The following COMP variants were observed in gnomAD, a reference collection of about 807,000 sequenced individuals.
COMP encodes the protein cartilage oligomeric matrix protein.
COMP carries 79 observed loss-of-function variants against 95.8 expected under a neutral mutation model. The observed-to-expected ratio is 0.82, with a 90% confidence interval of 0.69 to 0.99. The LOEUF (loss-of-function observed/expected upper bound fraction) is 0.99. Among genes scored for constraint, COMP ranks in the 50% least tolerant of loss-of-function variants. The probability of loss-of-function intolerance (pLI) is 0.00; values close to 1 mark genes in which losing one functional copy is unlikely to be tolerated. For missense variants in COMP, 906 were observed against 1,076.1 expected (o/e 0.84, Z 2.21); for synonymous variants, 438 against 433.9 (o/e 1.01, Z -0.12).
In COMP at chr19:18,789,438, G is replaced by T; in HGVS notation, c.391-141C>A. 1.0e-6 allele frequency: 1 copy of T among 978,982 alleles called. No homozygotes were observed. Among genetic ancestry groups the T allele is most frequent in the Non-Finnish European group, 1.4e-6 (1 of 690,816 alleles). The allele number at this position is 978,982 out of a possible 1,614,324, so 60.6% of individuals were successfully genotyped here. A position where few individuals can be genotyped will look rare whatever the true frequency, so the allele number is the denominator to read the frequency against. ...CTGAGATGGAAGCAATTGTCGCAGG[G>T]GTCAGGCACGACTTTGCCTTGATGA... On this transcript the variant is annotated intron_variant, in intron 4 of 18. Coordinates refer to ENST00000222271, the MANE Select transcript of COMP (RefSeq NM_000095.3). This position sits in a 1 kb window ranked among gnomAD's most constrained non-coding sequence, Gnocchi z 6.1.
chr19:18,788,795 G>GT lies in COMP; in HGVS notation c.603+43_603+44insA. 2 of 1,609,346 alleles carry GT rather than the reference G, an allele frequency of 1.2e-6. No homozygotes were observed. Among genetic ancestry groups the GT allele is most frequent in the South Asian group, 2.2e-5 (2 of 90,330 alleles). On this transcript the variant is annotated intron_variant, in intron 6 of 18. Coordinates refer to ENST00000222271, the MANE Select transcript of COMP (RefSeq NM_000095.3). The surrounding 1 kb of genome is among the most constrained non-coding windows in gnomAD (Gnocchi z 4.7). Reference sequence around the variant, plus strand: ...GGTCAGCGCAGGCCGCCCGCCGCTCGCCCCACCTCCCGCGATCCTTTCTTC... The same window carrying GT: ...GGTCAGCGCAGGCCGCCCGCCGCTCGTCCCCACCTCCCGCGATCCTTTCTTC...
Position 18,782,790 on chromosome 19 carries a change from T to C in COMP, c.*125A>G. On this transcript the variant is annotated 3_prime_UTR_variant, in exon 19 of 19. Coordinates refer to ENST00000222271, the MANE Select transcript of COMP (RefSeq NM_000095.3). ...GCCGCCACTCCCTGCACACACACTT[T>C]ATTTTGTCCTCTCTGAGCCCTTCTC... 1 of 1,101,484 alleles carries C rather than the reference T, an allele frequency of 9.1e-7. No individual in the cohort carries two copies. 68.2% of individuals were successfully genotyped at this position (1,101,484 alleles called of 1,614,324 possible).
chr19:18,784,403 CCACCGGAG>C lies in COMP; in HGVS notation c.1915-48_1915-41del. On this transcript the variant is annotated intron_variant, in intron 16 of 18. Transcript: ENST00000222271. The surrounding 1 kb of genome is among the most constrained non-coding windows in gnomAD (Gnocchi z 4.9). ...GAAAGGTGGTCAGAGACCTCGTGGGCCACCGGAGCCCCCCTAGACACCTTCCTGGAGAG... is the reference window on the plus strand; with the variant it reads ...GAAAGGTGGTCAGAGACCTCGTGGGCCCCCCCTAGACACCTTCCTGGAGAG... The C allele has an allele frequency of 6.2e-7, 1 of 1,611,364 alleles. No individual in the cohort carries two copies. The highest frequency in any genetic ancestry group is 8.5e-7 in the Non-Finnish European group (1 of 1,178,404).
At chr19:18,785,219 A>G in intron 15 of COMP, 127 bp from the exon 16 acceptor site, 1 of 1,013,786 alleles carries the variant, frequency 9.9e-7, no homozygotes, top group Non-Finnish European at 1.5e-6. Flanking sequence ...TCCCACTCGC[A>G]GAGCCCGGAC....
chr19:18,791,083 C>A, intron 1 of COMP, 108 bp downstream of exon 1: 1 of 1,501,634 alleles, frequency 6.7e-7, no homozygotes, highest in Non-Finnish European at 9.0e-7. Flanking sequence ...CCGGCACGTC[C>A]CCTACGAACA....
intron 3 of COMP, 146 bp from the exon 4 acceptor site, chr19:18,790,260 C>G: frequency 1.5e-6 from 1 of 659,758 alleles, no homozygotes; most frequent in Non-Finnish European, 2.5e-6. Flanking sequence ...GCGCTGTCCG[C>G]GATCCCGCCC....
chr19:18,790,843 C>G lies in COMP; in HGVS notation c.165+7G>C. 1 of 1,557,748 alleles carries G rather than the reference C, an allele frequency of 6.4e-7. No homozygotes were observed. Among genetic ancestry groups the G allele is most frequent in the Non-Finnish European group, 8.7e-7 (1 of 1,154,198 alleles). On this transcript the variant is annotated splice_region_variant and intron_variant, in intron 2 of 18. Transcript: ENST00000222271. ...GGCACTCCCTGCCCCGCACCCGGGCCCCGCACCTGCTGCCGCAGCAGCTCC... is the reference window on the plus strand; with the variant it reads ...GGCACTCCCTGCCCCGCACCCGGGCGCCGCACCTGCTGCCGCAGCAGCTCC...
At chr19:18,786,763 C>A (rs1285469128) in intron 10 of COMP, 113 bp from the exon 11 acceptor site, 1 of 279,150 alleles carries the variant, frequency 3.6e-6, no homozygotes. Flanking sequence ...TTCATGGAAG[C>A]TTTTTTTTTT....
chr19:18,787,608 C>T lies in COMP; in HGVS notation c.1018G>A (p.Asp340Asn). 2 of 1,614,092 alleles carry T rather than the reference C, an allele frequency of 1.2e-6. No individual in the cohort carries two copies. The highest frequency in any genetic ancestry group is 2.7e-5 in the African/African-American group (2 of 75,064). ...CACGCATCGCCCCACTTGTCCTCGT[C>T]CGTGTTGCGCTGGTCTGGGTTCCGC... is the stretch of plus-strand genomic sequence containing the variant. ...LVRNPDQRNT[D>N]EDKWGDACDN... Residue 340 changes from aspartate (D) to asparagine (N), a missense_variant, in exon 10 of 19, where the codon GAC becomes AAC. Asp to Asn is a conservative substitution (Grantham distance 23). Transcript: ENST00000222271.
Position 18,786,164 on chromosome 19 carries a change from G to A in COMP, c.1308-18C>T, listed in dbSNP as rs1460720625. ...CTCCATCCCTAGAGTGGATAGGTGG[G>A]ATCCAGAGACAATGAGCTCTCCAGA... On this transcript the variant is annotated intron_variant, in intron 12 of 18. Transcript: ENST00000222271. The A allele has an allele frequency of 8.7e-6, 14 of 1,614,034 alleles. No homozygotes were observed. Among genetic ancestry groups the A allele is most frequent in the African/African-American group, 1.3e-5 (1 of 74,956 alleles).
chr19:18,785,687 C>A lies in COMP; in HGVS notation c.1654G>T (p.Val552Leu). ...CCCGCTCCCACCTGGTTGAGCACCA[C>A]CCAGTTGGGGTCAATCTGCGCGTCA... ...EGDAQIDPNW[V>L]VLNQGREIVQ... The change falls in exon 14 of 19, where the codon GTG (valine) becomes TTG (leucine). Residue 552 changes from valine (V) to leucine (L), a missense_variant. By Grantham distance (32) the Val-to-Leu change is conservative. Coordinates refer to ENST00000222271, the MANE Select transcript of COMP (RefSeq NM_000095.3). The A allele has an allele frequency of 6.2e-7, 1 of 1,613,530 alleles. No individual in the cohort carries two copies. Among genetic ancestry groups the A allele is most frequent in the Non-Finnish European group, 8.5e-7 (1 of 1,180,030 alleles).
At position 18,790,601 on chromosome 19, in the gene COMP, T is replaced by A. The variant is rs762658260; in HGVS notation, c.178A>T (p.Thr60Ser). ...TCCATCACCGTGTTTTTCAGGAACG[T>A]GATCTCCCTGACCTGCAGGGGTGGG... is the stretch of plus-strand genomic sequence containing the variant. ...ELLRQQVREI[T>S]FLKNTVMECD... The change falls in exon 3 of 19, where the codon ACG becomes TCG. Residue 60 changes from threonine (T) to serine (S), a missense_variant. Physicochemically the swap from Thr to Ser is moderately conservative, Grantham distance 58. Coordinates refer to ENST00000222271, the MANE Select transcript of COMP (RefSeq NM_000095.3). 2 of 1,613,882 alleles carry A rather than the reference T, an allele frequency of 1.2e-6. No individual in the cohort carries two copies. The highest frequency in any genetic ancestry group is 1.7e-6 in the Non-Finnish European group (2 of 1,179,850).
Position 18,789,909 on chromosome 19 carries a change from C to A in COMP, c.390+33G>T, listed in dbSNP as rs368727584. The A allele has an allele frequency of 2.0e-4, 314 of 1,593,180 alleles. No individual in the cohort carries two copies. Among genetic ancestry groups the A allele is most frequent in the Non-Finnish European group, 2.4e-4 (286 of 1,177,958 alleles). ...GAGATTGGGGGGCGGTAGAGGGAGT[C>A]GTCAGGGCGGTGGAGTGTCGGGGCT... On this transcript the variant is annotated intron_variant, in intron 4 of 18. Coordinates refer to ENST00000222271, the MANE Select transcript of COMP (RefSeq NM_000095.3). The surrounding 1 kb of genome is among the most constrained non-coding windows in gnomAD (Gnocchi z 6.1).
At chr19:18,783,578 C>G (rs982285439) in intron 17 of COMP, among the ~76,000 whole-genome samples, 1 of 151,606 alleles carries the variant, frequency 6.6e-6, no homozygotes, top group Non-Finnish European at 1.5e-5. Flanking sequence ...TCCCTAGTAG[C>G]TGGGACCATG....
chr19:18,787,773 C>T, intron 9 of COMP, 123 bp from the exon 10 acceptor site: 1 of 1,276,498 alleles, frequency 7.8e-7, no homozygotes, highest in African/African-American at 1.5e-5. Flanking sequence ...TCCTAGACCA[C>T]GGAGGCCACG....
At chr19:18,791,086 T>A (rs2055210140) in intron 1 of COMP, 105 bp downstream of exon 1, 2 of 1,507,598 alleles carry the variant, frequency 1.3e-6, no homozygotes, top group Admixed American at 2.0e-5. Context: ...GCACGTCCCC[T>A]ACGAACAGTC....
intron 15 of COMP, 52 bp from the exon 16 acceptor site, chr19:18,785,144 G>A (rs941312662): frequency 6.3e-7 from 1 of 1,579,632 alleles, no homozygotes; most frequent in African/African-American, 1.3e-5. Flanking sequence ...CCCAGCCCCC[G>A]GAACCTGGCA....
chr19:18,790,541 C>G, intron 3 of COMP, 21 bp downstream of exon 3: 1 of 1,613,564 alleles, frequency 6.2e-7, no homozygotes, highest in Non-Finnish European at 8.5e-7. Flanking sequence ...TTCTCTCTCC[C>G]GACCGCCCCG....
chr19:18,790,973 C>T (rs2145905791), intron 1 of COMP, 38 bp from the exon 2 acceptor site: 1 of 1,546,340 alleles, frequency 6.5e-7, no homozygotes, highest in Non-Finnish European at 8.7e-7. Context: ...GTCATGGGGC[C>T]GGGGAATCCC....
Sources: gnomAD v4.1 joint callset for allele counts (sites outside exome capture counted in the v4.1 genomes callset) on GRCh38, gnomAD v4.1.1 for gene constraint, Gnocchi (gnomAD v3.1) non-coding constraint, MANE v1.5 for transcripts, NCBI Gene and HGNC (gene_info 2026-07-23, HGNC 2026-07-21) for gene names.